SLC45A4: variants seen among roughly 807,000 people sequenced by gnomAD.
SLC45A4 encodes solute carrier family 45 member 4.
A neutral mutation model predicts 63.7 loss-of-function variants in SLC45A4; 32 were observed. The observed-to-expected ratio is 0.50, with a 90% CI of 0.38 to 0.67. The LOEUF (loss-of-function observed/expected upper bound fraction) is 0.67, where lower values mean the gene tolerates loss of function less well. Among genes scored for constraint, SLC45A4 ranks in the 30% least tolerant of loss-of-function variants. SLC45A4 has a pLI of 0.00. For missense variants in SLC45A4, 1,027 were observed against 1,157.7 expected, an observed-to-expected ratio of 0.89 and a Z score of 1.64; for synonymous variants, 535 against 510.0, an observed-to-expected ratio of 1.05 and a Z score of -0.66.
At chr8:141,234,853 G>A (rs978477528) in intron 2 of SLC45A4, among the ~76,000 whole-genome samples, 7 of 152,150 alleles carry the variant, frequency 4.6e-5, no homozygotes, top group Non-Finnish European at 8.8e-5. Context: ...AGCAGGACTC[G>A]ACCTCCTGGG....
intron 2 of SLC45A4, chr8:141,230,018 G>T: frequency 2.2e-6 from 1 of 455,142 alleles, no homozygotes. Context: ...CAAAATGCTG[G>T]AAGGACAACA....
chr8:141,218,333 T>C lies in SLC45A4; in HGVS notation c.1307A>G (p.His436Arg), dbSNP rs1826319456. 2 of 1,607,944 alleles carry C rather than the reference T, an allele frequency of 1.2e-6. No individual in the cohort carries two copies. The highest frequency in any genetic ancestry group is 1.3e-5 in the African/African-American group (1 of 75,024). The change falls in exon 5 of 9, where the codon CAC (histidine) becomes CGC (arginine). Residue 436 changes from histidine (H) to arginine (R), a missense_variant. Coordinates refer to ENST00000517878, the MANE Select transcript of SLC45A4 (RefSeq NM_001286646.2). The part of the protein sequence containing the change: ...TFSYYGKLGS[H>R]CYRYRRANAV... ...GTTGGCGCGCCGGTAGCGGTAGCAG[T>C]GGGACCCAAGCTTGCCGTAGTAGGA...
intron 1 of SLC45A4, among the ~76,000 whole-genome samples, chr8:141,299,019 G>A (rs1389486837): frequency 6.7e-6 from 1 of 149,086 alleles, no homozygotes; most frequent in East Asian, 2.3e-4. Flanking sequence ...CTGCTCCAGA[G>A]GTCCCAGCTG....
intron 2 of SLC45A4, among the ~76,000 whole-genome samples, chr8:141,241,336 G>A (rs1319847265): frequency 1.3e-5 from 2 of 152,178 alleles, no homozygotes; most frequent in Non-Finnish European, 2.9e-5. Flanking sequence ...GTTGCTCTGG[G>A]GACAGTGGCG....
intron 1 of SLC45A4, among the ~76,000 whole-genome samples, chr8:141,271,098 G>A (rs866556557): frequency 5.9e-5 from 9 of 152,238 alleles, no homozygotes; most frequent in African/African-American, 2.2e-4. Context: ...AGTTACTGAT[G>A]AGCCAGAACG....
intron 2 of SLC45A4, among the ~76,000 whole-genome samples, chr8:141,250,520 T>C (rs948775938): frequency 6.6e-6 from 1 of 151,974 alleles, no homozygotes; most frequent in African/African-American, 2.4e-5. Context: ...CAAATAGCTG[T>C]GATTACAGGT....
In SLC45A4 at chr8:141,209,333, T is replaced by C. The variant is rs1409192644; in HGVS notation, c.*2239A>G. 6.6e-6 allele frequency: 1 copy of C among 152,326 alleles called. No homozygotes were observed. The highest frequency in any genetic ancestry group is 1.9e-4 in the East Asian group (1 of 5,194). The allele number at this position is 152,326 out of a possible 1,614,324, so 9.4% of individuals were successfully genotyped here. ...TCTCGGCTTCCCTTAAGACACAAGG[T>C]GACGACACGGACGGTTTCAAGTGAG... On this transcript the variant is annotated 3_prime_UTR_variant, in exon 9 of 9. Transcript: ENST00000517878.
chr8:141,214,890 T>G (rs1683563120), intron 7 of SLC45A4, among the ~76,000 whole-genome samples: 1 of 152,058 alleles, frequency 6.6e-6, no homozygotes, highest in Admixed American at 6.5e-5. Context: ...AACCCCCACC[T>G]CAAACCACAC....
chr8:141,212,995 G>A (rs536748340), intron 7 of SLC45A4, among the ~76,000 whole-genome samples: 5 of 152,288 alleles, frequency 3.3e-5, no homozygotes, highest in African/African-American at 7.2e-5. Context: ...CTGGACCCAC[G>A]GAAAGAGTGA....
At chr8:141,247,616 T>C (rs907963142) in intron 2 of SLC45A4, among the ~76,000 whole-genome samples, 4 of 152,218 alleles carry the variant, frequency 2.6e-5, no homozygotes, top group Non-Finnish European at 5.9e-5. Flanking sequence ...CTTGCTGTGT[T>C]GCCTAGGATG....
chr8:141,254,570 G>C lies in SLC45A4; in HGVS notation c.-341C>G, dbSNP rs1050014611. On this transcript the variant is annotated 5_prime_UTR_variant, in exon 2 of 9. Transcript: ENST00000517878. The surrounding 1 kb of genome is among the most constrained non-coding windows in gnomAD (Gnocchi z 4.5). ...GAAGTGATTTTTCTTGCTACAGAGA[G>C]GTGGGAAGGTGATACAAACAGGTGG... 4.3e-6 allele frequency: 3 copies of C among 702,418 alleles called. No individual in the cohort carries two copies. The African/African-American group carries it at 5.2e-5, about 12-fold the overall frequency. 43.5% of individuals were successfully genotyped at this position (702,418 alleles called of 1,614,324 possible). A position where few individuals can be genotyped will look rare whatever the true frequency, so the allele number is the denominator to read the frequency against.
At chr8:141,258,400 T>A (rs1304065612) in intron 1 of SLC45A4, among the ~76,000 whole-genome samples, 1 of 152,218 alleles carries the variant, frequency 6.6e-6, no homozygotes, top group Non-Finnish European at 1.5e-5. Context: ...CTCCAGCCAG[T>A]GGTATTTCTC....
intron 1 of SLC45A4, among the ~76,000 whole-genome samples, chr8:141,276,474 C>T (rs28681435): frequency 6.6e-6 from 1 of 152,052 alleles, no homozygotes; most frequent in African/African-American, 2.4e-5. Context: ...ACTACAGAAG[C>T]CTTCCCCAAT....
chr8:141,281,125 G>A (rs1178933085), intron 1 of SLC45A4, among the ~76,000 whole-genome samples: 1 of 152,106 alleles, frequency 6.6e-6, no homozygotes, highest in African/African-American at 2.4e-5. Context: ...GATCACCTGA[G>A]GTCAGAAGTT....
At chr8:141,221,535 C>T (rs1163956045) in intron 3 of SLC45A4, 42 bp downstream of exon 3, 6 of 1,586,342 alleles carry the variant, frequency 3.8e-6, no homozygotes, top group Middle Eastern at 2.3e-4. Context: ...GCCAGGACCC[C>T]GTCTGTGTTG....
At chr8:141,293,767 T>C (rs1175576174) in intron 1 of SLC45A4, among the ~76,000 whole-genome samples, 1 of 151,950 alleles carries the variant, frequency 6.6e-6, no homozygotes, top group African/African-American at 2.4e-5. Flanking sequence ...ACCCCGTCTC[T>C]ACTAAAAGTA....
chr8:141,259,063 C>T (rs1828937819), intron 1 of SLC45A4, among the ~76,000 whole-genome samples: 1 of 152,174 alleles, frequency 6.6e-6, no homozygotes, highest in Non-Finnish European at 1.5e-5. Flanking sequence ...CATGGAAAGT[C>T]AGCTGCCTCA....
chr8:141,290,204 ATTTTT>A (rs953921009), intron 1 of SLC45A4, among the ~76,000 whole-genome samples: 2 of 151,908 alleles, frequency 1.3e-5, no homozygotes, highest in Admixed American at 6.6e-5. Context: ...AAAGGAATCT[ATTTTT>A]TTTAAGTGCG....
intron 1 of SLC45A4, among the ~76,000 whole-genome samples, chr8:141,293,069 C>T (rs572849930): frequency 6.6e-6 from 1 of 152,214 alleles, no homozygotes; most frequent in Non-Finnish European, 1.5e-5. Flanking sequence ...CTCCCCCACC[C>T]CCCTACTGAG....
Sources: gnomAD v4.1 joint callset for allele counts (sites outside exome capture counted in the v4.1 genomes callset) on GRCh38, gnomAD v4.1.1 for gene constraint, Gnocchi (gnomAD v3.1) non-coding constraint, MANE v1.5 for transcripts, NCBI Gene and HGNC (gene_info 2026-07-23, HGNC 2026-07-21) for gene names.